Variants in DAGLA observed in about 807,000 individuals in gnomAD.
DAGLA encodes diacylglycerol lipase-alpha.
A neutral mutation model predicts 102.6 loss-of-function variants in DAGLA; 22 were observed. That is an observed-to-expected ratio of 0.21 (90% CI 0.15 to 0.31). DAGLA has a LOEUF of 0.31. Ranked by LOEUF, DAGLA falls within the 10% of genes least tolerant of loss-of-function variation. The probability of loss-of-function intolerance (pLI) is 1.00; values close to 1 mark genes in which losing one functional copy is unlikely to be tolerated. For missense variants in DAGLA, 927 were observed against 1,446.6 expected (o/e 0.64, Z 5.83); for synonymous variants, 578 against 628.9 (o/e 0.92, Z 1.21).
chr11:61,700,172 G>T (rs751892964), intron 1 of DAGLA, among the ~76,000 whole-genome samples: 1 of 152,246 alleles, frequency 6.6e-6, no homozygotes, highest in Non-Finnish European at 1.5e-5. Context: ...GAGCCCTCCT[G>T]TTGGGGCACT....
intron 16 of DAGLA, 97 bp from the exon 17 acceptor site, chr11:61,739,368 C>G (rs1316689445): frequency 1.6e-6 from 2 of 1,265,238 alleles, no homozygotes; most frequent in African/African-American, 1.5e-5. Flanking sequence ...CTGCCCACCT[C>G]TCACCTGCTG....
chr11:61,708,691 T>G (rs2135568348), intron 1 of DAGLA, among the ~76,000 whole-genome samples: 1 of 152,322 alleles, frequency 6.6e-6, no homozygotes, highest in East Asian at 1.9e-4. Flanking sequence ...CCTCACACTT[T>G]ACAACTTTTA....
chr11:61,716,402 G>A (rs984823984), intron 1 of DAGLA, among the ~76,000 whole-genome samples: 2 of 152,180 alleles, frequency 1.3e-5, no homozygotes, highest in African/African-American at 4.8e-5. Flanking sequence ...CTAGAGAGAT[G>A]AGTTGGATTT....
chr11:61,688,361 C>G (rs1319277515), intron 1 of DAGLA, among the ~76,000 whole-genome samples: 3 of 150,450 alleles, frequency 2.0e-5, no homozygotes, highest in Non-Finnish European at 3.0e-5. Flanking sequence ...ACATGAGATT[C>G]AAGAGCTGGC....
chr11:61,739,694 G>T (rs1255932906), intron 17 of DAGLA, 33 bp downstream of exon 17: 47 of 1,603,612 alleles, frequency 2.9e-5, no homozygotes, highest in Non-Finnish European at 4.0e-5. Context: ...GCTGCAGGGG[G>T]TAGTGGCCAG....
chr11:61,717,781 T>TA (rs2065248198), intron 1 of DAGLA, among the ~76,000 whole-genome samples: 1 of 152,148 alleles, frequency 6.6e-6, no homozygotes, highest in Non-Finnish European at 1.5e-5. Flanking sequence ...TCTAGGTAGG[T>TA]ACTGCTGTTG....
rs982105945 is a variant in DAGLA at position 61,686,005 on chromosome 11, T to C, written c.-45+5501T>C. On this transcript the variant is annotated intron_variant, in intron 1 of 19. Coordinates refer to ENST00000257215, the MANE Select transcript of DAGLA (RefSeq NM_006133.3). The surrounding 1 kb of genome is among the most constrained non-coding windows in gnomAD (Gnocchi z 5.2). ...GTGAACGCATGGGCATTCACTGAAG[T>C]GTTCTGAGCAAGGGTTTGGAGGCTG... is the stretch of plus-strand genomic sequence containing the variant. 6.6e-6 allele frequency among the ~76,000 whole-genome samples: 1 copy of C among 151,880 alleles called. No homozygotes were observed. The highest frequency in any genetic ancestry group is 6.6e-5 in the Admixed American group (1 of 15,238).
At chr11:61,731,462 C>A in intron 9 of DAGLA, 21 bp downstream of exon 9, 1 of 1,611,674 alleles carries the variant, frequency 6.2e-7, no homozygotes, top group Non-Finnish European at 8.5e-7. Context: ...CTGTCCCATC[C>A]CCCAGCGATT....
chr11:61,736,894 C>G (rs2135600692), intron 13 of DAGLA, among the ~76,000 whole-genome samples: 1 of 152,210 alleles, frequency 6.6e-6, no homozygotes, highest in Non-Finnish European at 1.5e-5. Context: ...GGTACAGATG[C>G]AATGACTAGA....
Position 61,740,493 on chromosome 11 carries a change from T to C in DAGLA, c.1884T>C (p.Phe628=), listed in dbSNP as rs759471098. The change falls in exon 18 of 20, where the codon TTT becomes TTC. Residue 628 remains phenylalanine, a synonymous_variant. Transcript: ENST00000257215. ...CCCEQEEPTY[F]AIWGDNKAFN... ...GTGAGCAGGAGGAGCCCACATACTTTGCCATCTGGGGCGACAACAAGGCCT... is the reference window on the plus strand; with the variant it reads ...GTGAGCAGGAGGAGCCCACATACTTCGCCATCTGGGGCGACAACAAGGCCT... The C allele has an allele frequency of 6.2e-7, 1 of 1,613,814 alleles. No individual in the cohort carries two copies. Among genetic ancestry groups the C allele is most frequent in the South Asian group, 1.1e-5 (1 of 91,090 alleles).
intron 8 of DAGLA, among the ~76,000 whole-genome samples, chr11:61,729,728 G>A (rs943437126): frequency 6.6e-6 from 1 of 152,190 alleles, no homozygotes; most frequent in Non-Finnish European, 1.5e-5. Context: ...GTGCCAGGAA[G>A]CCTCGGTGCC....
intron 5 of DAGLA, among the ~76,000 whole-genome samples, chr11:61,725,671 G>C (rs2065319460): frequency 6.6e-6 from 1 of 152,190 alleles, no homozygotes; most frequent in African/African-American, 2.4e-5. Flanking sequence ...TGAAGCCCCA[G>C]AGCCTGCCTG....
chr11:61,700,424 C>T (rs910756045), intron 1 of DAGLA, among the ~76,000 whole-genome samples: 5 of 152,094 alleles, frequency 3.3e-5, no homozygotes, highest in African/African-American at 9.7e-5. Flanking sequence ...TTGGACTTCT[C>T]CAGCCTCTGG....
chr11:61,702,066 A>G (rs2065113960), intron 1 of DAGLA, among the ~76,000 whole-genome samples: 1 of 151,988 alleles, frequency 6.6e-6, no homozygotes, highest in Admixed American at 6.6e-5. Context: ...ATGCACCACC[A>G]CATCTGGCTA....
chr11:61,725,033 G>T (rs1173974705), intron 5 of DAGLA, among the ~76,000 whole-genome samples: 1 of 152,172 alleles, frequency 6.6e-6, no homozygotes, highest in African/African-American at 2.4e-5. Flanking sequence ...GGCTCAAAAA[G>T]GGCCTGGCCT....
At chr11:61,699,894 T>C (rs1407729404) in intron 1 of DAGLA, among the ~76,000 whole-genome samples, 1 of 152,188 alleles carries the variant, frequency 6.6e-6, no homozygotes, top group Non-Finnish European at 1.5e-5. Context: ...GGCTGACTGT[T>C]TGCCCAAGGA....
rs1321237418 is a variant in DAGLA, at chr11:61,686,312, C to G, written c.-45+5808C>G. On this transcript the variant is annotated intron_variant, in intron 1 of 19. Transcript: ENST00000257215. The surrounding 1 kb of genome is among the most constrained non-coding windows in gnomAD (Gnocchi z 5.2). ...CACTTGACTTTCAGCGGGTCTGACT[C>G]CCGTCAGTGCTGGGCGGGAGTGTGA... 6.6e-6 allele frequency among the ~76,000 whole-genome samples: 1 copy of G among 152,180 alleles called. No homozygotes were observed. The highest frequency in any genetic ancestry group is 1.5e-5 in the Non-Finnish European group (1 of 68,028).
Position 61,744,717 on chromosome 11 carries a change from G to T in DAGLA, c.*228G>T, listed in dbSNP as rs994337889. The T allele has an allele frequency of 2.3e-5, 12 of 516,248 alleles. No homozygotes were observed. Among genetic ancestry groups the T allele is most frequent in the Admixed American group, 3.8e-5 (1 of 26,604 alleles). The allele number at this position is 516,248 out of a possible 1,614,324, so 32.0% of individuals were successfully genotyped here. A position where few individuals can be genotyped will look rare whatever the true frequency, so the allele number is the denominator to read the frequency against. On this transcript the variant is annotated 3_prime_UTR_variant, in exon 20 of 20. Coordinates refer to ENST00000257215, the MANE Select transcript of DAGLA (RefSeq NM_006133.3). ...CACAGATGGGGAAAGATGGGGAAGG[G>T]TGTGGAGTGGGGAGGAGCCTGGGCA...
At position 61,734,835 on chromosome 11, in the gene DAGLA, T is replaced by C; in HGVS notation, c.975-14T>C. 6.2e-7 allele frequency: 1 copy of C among 1,608,080 alleles called. No homozygotes were observed. The highest frequency in any genetic ancestry group is 8.5e-7 in the Non-Finnish European group (1 of 1,175,340). ...GACTCCCTGGCCCTGAACTCTCTTG[T>C]CACCCCACCCTAGGTGTTGCCTGTG... On this transcript the variant is annotated splice_polypyrimidine_tract_variant and intron_variant, in intron 9 of 19. Coordinates refer to ENST00000257215, the MANE Select transcript of DAGLA (RefSeq NM_006133.3). This position sits in a 1 kb window ranked among gnomAD's most constrained non-coding sequence, Gnocchi z 4.2.
Sources: gnomAD v4.1 joint callset for allele counts (sites outside exome capture counted in the v4.1 genomes callset) on GRCh38, gnomAD v4.1.1 for gene constraint, Gnocchi (gnomAD v3.1) non-coding constraint, MANE v1.5 for transcripts, NCBI Gene and HGNC (gene_info 2026-07-23, HGNC 2026-07-21) for gene names.